Variants in CLVS1 observed in about 807,000 individuals in gnomAD.
CLVS1 encodes the protein clavesin-1.
Under a neutral mutation model 33.1 loss-of-function variants are expected in CLVS1, and 10 were observed. The observed-to-expected ratio is 0.30, with a 90% CI of 0.19 to 0.51. The LOEUF is 0.51. CLVS1 is among the 20% of genes least tolerant of loss of function. CLVS1 has a pLI of 0.97. For missense variants in CLVS1, 343 were observed against 433.4 expected, an observed-to-expected ratio of 0.79 and a Z score of 1.85; for synonymous variants, 163 against 166.1, an observed-to-expected ratio of 0.98 and a Z score of 0.14.
intron 3 of CLVS1, among the ~76,000 whole-genome samples, chr8:61,397,197 G>T (rs1234127985): frequency 1.3e-5 from 2 of 151,804 alleles, no homozygotes; most frequent in Non-Finnish European, 2.9e-5. Context: ...TGCCAGCCCT[G>T]GTTATTGTCC....
chr8:61,234,138 A>G (rs10096025), intron 2 of CLVS1, among the ~76,000 whole-genome samples: 8,672 of 152,006 alleles, frequency 0.057, 545 homozygotes, highest in African/African-American at 0.16. Flanking sequence ...TAAATCCTGG[A>G]GGCCCACCAC....
At chr8:61,338,964 CTGTG>C (rs10608173) in intron 2 of CLVS1, among the ~76,000 whole-genome samples, 35,017 of 148,442 alleles carry the variant, frequency 0.24, 4,789 homozygotes, top group South Asian at 0.32. Flanking sequence ...AAAGGGAACA[CTGTG>C]TGTGTGTGTG....
chr8:60,999,813 T>A, the CLVS1 span, among the ~76,000 whole-genome samples: 1 of 152,172 alleles, frequency 6.6e-6, no homozygotes, highest in Non-Finnish European at 1.5e-5. Flanking sequence ...ACTCTTGCTG[T>A]GAACACCTGG....
At chr8:61,295,883 C>A (rs925569687) in intron 1 of CLVS1, among the ~76,000 whole-genome samples, 3 of 152,030 alleles carry the variant, frequency 2.0e-5, no homozygotes, top group Non-Finnish European at 4.4e-5. Flanking sequence ...AGAGAATCTG[C>A]AAATGCCTAG....
intron 4 of CLVS1, among the ~76,000 whole-genome samples, chr8:61,457,829 G>A (rs1817221926): frequency 6.6e-6 from 1 of 152,178 alleles, no homozygotes; most frequent in Non-Finnish European, 1.5e-5. Flanking sequence ...TTAGAGGGTG[G>A]TTGGAAAGAA....
rs191973529 is a variant in CLVS1, at chr8:61,274,911, T to C, written c.-151-24766T>C. Among the ~76,000 whole-genome samples, 45 of 152,268 alleles carry C rather than the reference T, an allele frequency of 3.0e-4. 1 individual carries two copies. In the East Asian group the frequency reaches 7.3e-3, roughly 25 times the overall value. On this transcript the variant is annotated intron_variant, in intron 2 of 2. Coordinates refer to the CLVS1 transcript ENST00000522621. ...TTTAAAGACTGCAATCATTGAGTAA[T>C]ACATAAAGAGTCCAACTAAATAAAT...
chr8:61,418,506 T>C (rs900183741), intron 3 of CLVS1, among the ~76,000 whole-genome samples: 9 of 152,250 alleles, frequency 5.9e-5, no homozygotes, highest in African/African-American at 2.2e-4. Flanking sequence ...ATACACATTC[T>C]ATTACTAATG....
intron 2 of CLVS1, among the ~76,000 whole-genome samples, chr8:61,217,826 T>A (rs1161159275): frequency 1.3e-5 from 2 of 151,960 alleles, no homozygotes; most frequent in Non-Finnish European, 2.9e-5. Context: ...AACCCCAATT[T>A]AAAAAATGGA....
chr8:61,479,397 C>A (rs1018774823), intron 5 of CLVS1, among the ~76,000 whole-genome samples: 6 of 152,186 alleles, frequency 3.9e-5, no homozygotes, highest in Admixed American at 3.9e-4. Context: ...CTTGTGCATT[C>A]ATCACATAGT....
At chr8:61,464,338 C>T (rs1817472903) in intron 5 of CLVS1, among the ~76,000 whole-genome samples, 1 of 152,152 alleles carries the variant, frequency 6.6e-6, no homozygotes, top group South Asian at 2.1e-4. Flanking sequence ...CTCCAAAACC[C>T]ATCCGTGGTA....
At chr8:61,308,820 G>T (rs924316862) in intron 2 of CLVS1, among the ~76,000 whole-genome samples, 2 of 152,198 alleles carry the variant, frequency 1.3e-5, no homozygotes, top group African/African-American at 4.8e-5. Flanking sequence ...TGGGTACTAT[G>T]TAACAGTGAT....
At chr8:61,017,090 C>T in the CLVS1 span, among the ~76,000 whole-genome samples, 10 of 152,268 alleles carry the variant, frequency 6.6e-5, no homozygotes, top group African/African-American at 1.9e-4. Context: ...AAAAGACAGC[C>T]GGGGCTTCGC....
chr8:61,464,022 A>G (rs572029683), intron 5 of CLVS1, among the ~76,000 whole-genome samples: 12 of 145,396 alleles, frequency 8.3e-5, no homozygotes, highest in Non-Finnish European at 1.8e-4. Flanking sequence ...TGTAGCAATG[A>G]GTCAAGATCA....
chr8:61,418,195 AT>A (rs898772392), intron 3 of CLVS1, among the ~76,000 whole-genome samples: 9 of 152,100 alleles, frequency 5.9e-5, no homozygotes, highest in African/African-American at 1.9e-4. Context: ...AGGATTATTA[AT>A]TTTTTTAATG....
At chr8:61,177,953 TAC>T (rs1807150754) in intron 2 of CLVS1, among the ~76,000 whole-genome samples, 3 of 152,036 alleles carry the variant, frequency 2.0e-5, no homozygotes. Context: ...AAATAATCAC[TAC>T]ACCTCTCCAG....
intron 2 of CLVS1, among the ~76,000 whole-genome samples, chr8:61,147,151 A>T (rs1171718410): frequency 6.6e-6 from 1 of 152,190 alleles, no homozygotes; most frequent in Non-Finnish European, 1.5e-5. Flanking sequence ...GGGCATTGAA[A>T]GTCCTTGTTG....
intron 2 of CLVS1, among the ~76,000 whole-genome samples, chr8:61,179,880 G>A (rs1807196428): frequency 6.6e-6 from 1 of 152,168 alleles, no homozygotes; most frequent in African/African-American, 2.4e-5. Context: ...GCCCACATCA[G>A]AAAGCTAGAA....
the CLVS1 span, among the ~76,000 whole-genome samples, chr8:61,025,160 T>C: frequency 6.6e-6 from 1 of 152,218 alleles, no homozygotes; most frequent in Non-Finnish European, 1.5e-5. Context: ...AAAGCATTTT[T>C]CAAAAGGAGT....
intron 2 of CLVS1, among the ~76,000 whole-genome samples, chr8:61,253,310 C>G (rs1808993146): frequency 6.6e-6 from 1 of 152,150 alleles, no homozygotes; most frequent in African/African-American, 2.4e-5. Context: ...TGATGGACTT[C>G]CCTTTATGGG....
Sources: allele counts gnomAD v4.1 joint callset (sites outside exome capture counted in the v4.1 genomes callset), GRCh38; gene constraint gnomAD v4.1.1; transcripts MANE v1.5; gene names NCBI Gene and HGNC (gene_info 2026-07-23, HGNC 2026-07-21).